The following TRIM50 variants were observed in gnomAD, a reference collection of about 807,000 sequenced individuals.
The protein encoded by TRIM50 is tripartite motif containing 50.
In TRIM50, 34 loss-of-function variants were observed where a neutral mutation model predicts 44.9. That is an observed-to-expected ratio of 0.76 (90% confidence interval 0.58 to 1.01). TRIM50 has a LOEUF of 1.01. TRIM50 is among the 50% of genes least tolerant of loss of function. The pLI, the probability that TRIM50 is intolerant of heterozygous loss-of-function variation, is 0.00. For missense variants in TRIM50, 633 were observed against 663.7 expected (o/e 0.95, Z 0.51); for synonymous variants, 307 against 291.1 (o/e 1.05, Z -0.56).
intron 1 of TRIM50, among the ~76,000 whole-genome samples, chr7:73,325,232 T>C (rs1167904971): frequency 1.3e-5 from 2 of 152,108 alleles, no homozygotes; most frequent in African/African-American, 4.8e-5. Context: ...GGGAAACTGT[T>C]GAAAGCATAG....
intron 3 of TRIM50, among the ~76,000 whole-genome samples, chr7:73,319,352 G>A (rs1554544728): frequency 6.6e-6 from 1 of 152,092 alleles, no homozygotes; most frequent in African/African-American, 2.4e-5. Context: ...GGAGCACAGT[G>A]GCATGATCAT....
At position 73,312,611 on chromosome 7, in the gene TRIM50, A is replaced by T; in HGVS notation, c.*310T>A. On this transcript the variant is annotated 3_prime_UTR_variant, in exon 7 of 7. Transcript: ENST00000333149. ...AAGTTCACAGTAATATGGAAAAGGTATACATGGGACTATTTCTGCCCTCGG... is the reference window on the plus strand; with the variant it reads ...AAGTTCACAGTAATATGGAAAAGGTTTACATGGGACTATTTCTGCCCTCGG... The T allele has an allele frequency of 2.7e-6, 1 of 373,802 alleles. No individual in the cohort carries two copies. The allele number at this position is 373,802 out of a possible 1,614,324, so 23.2% of individuals were successfully genotyped here. A position where few individuals can be genotyped will look rare whatever the true frequency, so the allele number is the denominator to read the frequency against.
Position 73,324,512 on chromosome 7 carries a change from G to T in TRIM50, c.276C>A (p.His92Gln). Reference sequence around the variant, plus strand: ...CGCAGAAAAGGCTGAGCGGGTTCCGGTGGTGCACGCAGACCTTGGGCTCCG... The same window carrying T: ...CGCAGAAAAGGCTGAGCGGGTTCCGTTGGTGCACGCAGACCTTGGGCTCCG... ...GDPEPKVCVHHRNPLSLFCEK... is the reference protein window; with the variant it reads ...GDPEPKVCVHQRNPLSLFCEK... Residue 92 changes from histidine (H) to glutamine (Q), a missense_variant, in exon 2 of 7, where the codon CAC becomes CAA. His to Gln is a conservative substitution (Grantham distance 24). Transcript: ENST00000333149. 1 of 1,613,964 alleles carries T rather than the reference G, an allele frequency of 6.2e-7. No individual in the cohort carries two copies. The highest frequency in any genetic ancestry group is 1.1e-5 in the South Asian group (1 of 91,062).
intron 5 of TRIM50, among the ~76,000 whole-genome samples, chr7:73,317,925 C>T (rs1804398257): frequency 6.6e-6 from 1 of 152,150 alleles, no homozygotes; most frequent in South Asian, 2.1e-4. Flanking sequence ...CTGGCCATTT[C>T]CCACCTCTCC....
chr7:73,315,507 A>G (rs1804335997), intron 6 of TRIM50, among the ~76,000 whole-genome samples: 2 of 152,042 alleles, frequency 1.3e-5, no homozygotes, highest in Admixed American at 1.3e-4. Flanking sequence ...CCACAGGCAC[A>G]TAACACCACA....
chr7:73,324,352 G>C (rs1380076980), intron 2 of TRIM50, 37 bp downstream of exon 2: 2 of 1,613,766 alleles, frequency 1.2e-6, no homozygotes, highest in East Asian at 4.5e-5. Flanking sequence ...TGGTCCCCGC[G>C]GGCCTCTCCA....
rs1368348609 is a variant in TRIM50 at position 73,313,898 on chromosome 7, C to T, written c.875-388G>A. The stretch of plus-strand genomic sequence containing the variant: ...GGTGTTGTGGGAAGGACCCGGAAGA[C>T]ACCTGTCCTGTGAGCCTATAGCTCA... On this transcript the variant is annotated intron_variant, in intron 6 of 6. Transcript: ENST00000333149. This position sits in a 1 kb window ranked among gnomAD's most constrained non-coding sequence, Gnocchi z 4.9. Among the ~76,000 whole-genome samples, 1 of 152,174 alleles carries T rather than the reference C, an allele frequency of 6.6e-6. No homozygotes were observed. The highest frequency in any genetic ancestry group is 1.5e-5 in the Non-Finnish European group (1 of 68,028).
At chr7:73,316,274 G>A (rs782579476) in intron 6 of TRIM50, among the ~76,000 whole-genome samples, 1 of 152,170 alleles carries the variant, frequency 6.6e-6, no homozygotes, top group Admixed American at 6.5e-5. Context: ...TGCAACACAC[G>A]TATGTCTATA....
chr7:73,319,453 C>A (rs1344615807), intron 3 of TRIM50, among the ~76,000 whole-genome samples: 1 of 152,062 alleles, frequency 6.6e-6, no homozygotes, highest in Non-Finnish European at 1.5e-5. Context: ...GCCACCACAC[C>A]CCACTTTGCC....
At chr7:73,315,948 T>C (rs1249811954) in intron 6 of TRIM50, among the ~76,000 whole-genome samples, 2 of 151,522 alleles carry the variant, frequency 1.3e-5, no homozygotes, top group Non-Finnish European at 2.9e-5. Context: ...TGGCACGATA[T>C]CAACTCACTG....
chr7:73,327,816 G>T (rs1477494626), intron 1 of TRIM50, 84 bp downstream of exon 1: 6 of 284,026 alleles, frequency 2.1e-5, no homozygotes, highest in African/African-American at 1.3e-4. Flanking sequence ...CTCCCACTGT[G>T]CGCCCCACCT....
chr7:73,324,991 A>T (rs1396283997), intron 1 of TRIM50, among the ~76,000 whole-genome samples, 186 bp from the exon 2 acceptor site: 3 of 150,842 alleles, frequency 2.0e-5, no homozygotes, highest in African/African-American at 7.3e-5. Flanking sequence ...GACTGCAGTG[A>T]AAAAAACTGG....
chr7:73,319,554 C>A (rs1233201369), intron 3 of TRIM50, among the ~76,000 whole-genome samples: 1 of 152,204 alleles, frequency 6.6e-6, no homozygotes, highest in Non-Finnish European at 1.5e-5. Flanking sequence ...TGTGAGGGAG[C>A]CAGAACTCCC....
Position 73,319,028 on chromosome 7 carries a change from C to T in TRIM50, c.520G>A (p.Val174Met). Residue 174 changes from valine (V) to methionine (M), a missense_variant, in exon 4 of 7, where the codon GTG becomes ATG. Coordinates refer to ENST00000333149, the MANE Select transcript of TRIM50 (RefSeq NM_178125.3). Reference protein sequence around the residue: ...IVNESDVFSWVIRREFQELHH... With the variant: ...IVNESDVFSWMIRREFQELHH... ...AGCTCCTGGAACTCGCGGCGGATCA[C>T]CCAGCTGAAGACATCCGACTCATTC... The T allele has an allele frequency of 3.1e-6, 5 of 1,614,014 alleles. No individual in the cohort carries two copies. The highest frequency in any genetic ancestry group is 3.4e-6 in the Non-Finnish European group (4 of 1,179,858).
Position 73,313,578 on chromosome 7 carries a change from G to T in TRIM50, c.875-68C>A. 1 of 1,341,074 alleles carries T rather than the reference G, an allele frequency of 7.5e-7. No individual in the cohort carries two copies. The highest frequency in any genetic ancestry group is 1.5e-5 in the South Asian group (1 of 66,212). 83.1% of individuals were successfully genotyped at this position (1,341,074 alleles called of 1,614,324 possible). On this transcript the variant is annotated intron_variant, in intron 6 of 6. Coordinates refer to ENST00000333149, the MANE Select transcript of TRIM50 (RefSeq NM_178125.3). The surrounding 1 kb of genome is among the most constrained non-coding windows in gnomAD (Gnocchi z 4.9). ...GCAGCAGACCCGGCCCACAGAAGCT[G>T]ATGGAGGCCCTGAACTCCCCAAGGA...
At chr7:73,324,303 C>CG (rs1804561839) in intron 2 of TRIM50, 86 bp downstream of exon 2, 6 of 1,601,914 alleles carry the variant, frequency 3.7e-6, no homozygotes, top group South Asian at 3.3e-5. Flanking sequence ...TAGCTGGATC[C>CG]TTTTGGTGCC....
At chr7:73,315,934 G>A (rs1477850531) in intron 6 of TRIM50, among the ~76,000 whole-genome samples, 1 of 150,316 alleles carries the variant, frequency 6.7e-6, no homozygotes, top group Non-Finnish European at 1.5e-5. Flanking sequence ...AGGCTGGAGT[G>A]CAATGGCACG....
At chr7:73,319,243 G>T (rs527631700) in intron 3 of TRIM50, among the ~76,000 whole-genome samples, 191 bp from the exon 4 acceptor site, 233 of 152,342 alleles carry the variant, frequency 1.5e-3, no homozygotes, top group South Asian at 3.3e-3. Context: ...TGGCCGTGGG[G>T]AGGGTGACCC....
intron 1 of TRIM50, among the ~76,000 whole-genome samples, chr7:73,327,517 C>T (rs1381575001): frequency 6.6e-6 from 1 of 152,184 alleles, no homozygotes; most frequent in African/African-American, 2.4e-5. Flanking sequence ...AGTGTCTTGT[C>T]TGGGCCTAAA....
Sources: allele counts gnomAD v4.1 joint callset (sites outside exome capture counted in the v4.1 genomes callset), GRCh38; gene constraint gnomAD v4.1.1; non-coding constraint Gnocchi (gnomAD v3.1); transcripts MANE v1.5; gene names NCBI Gene and HGNC (gene_info 2026-07-23, HGNC 2026-07-21).